Variants in SLC24A2 observed in about 807,000 individuals in gnomAD.
The protein encoded by SLC24A2 is solute carrier family 24 member 2.
A neutral mutation model predicts 62.0 loss-of-function variants in SLC24A2; 36 were observed. That is an observed-to-expected ratio of 0.58 (90% CI 0.44 to 0.77). SLC24A2 has a LOEUF of 0.77. SLC24A2 is among the 30% of genes least tolerant of loss of function. SLC24A2 has a pLI of 0.00. For missense variants in SLC24A2, 846 were observed against 817.9 expected (o/e 1.03, Z -0.42); for synonymous variants, 358 against 294.0 (o/e 1.22, Z -2.23).
At chr9:19,861,472 A>G in the SLC24A2 span, among the ~76,000 whole-genome samples, 4 of 152,176 alleles carry the variant, frequency 2.6e-5, no homozygotes, top group Non-Finnish European at 5.9e-5. Context: ...AAGGATGGGC[A>G]CAAAAAACCT....
intron 2 of SLC24A2, among the ~76,000 whole-genome samples, chr9:19,684,724 T>G (rs1280133375): frequency 6.6e-6 from 1 of 151,992 alleles, no homozygotes; most frequent in South Asian, 2.1e-4. Flanking sequence ...GATGACAAGA[T>G]GGCAGCATTG....
the SLC24A2 span, among the ~76,000 whole-genome samples, chr9:19,903,080 C>T: frequency 4.0e-5 from 6 of 150,740 alleles, no homozygotes; most frequent in Non-Finnish European, 7.4e-5. Flanking sequence ...ATTTCTTTAA[C>T]TCCCATTATC....
At chr9:19,546,059 G>A (rs1194024987) in intron 8 of SLC24A2, among the ~76,000 whole-genome samples, 1 of 152,204 alleles carries the variant, frequency 6.6e-6, no homozygotes, top group Non-Finnish European at 1.5e-5. Flanking sequence ...ACTGCTGCGT[G>A]TTGTTTCCTC....
chr9:19,978,609 G>A, the SLC24A2 span, among the ~76,000 whole-genome samples: 2 of 151,730 alleles, frequency 1.3e-5, no homozygotes, highest in Non-Finnish European at 1.5e-5. Flanking sequence ...TTTCTTCAGA[G>A]TATTTAACAA....
intron 2 of SLC24A2, among the ~76,000 whole-genome samples, chr9:19,733,008 A>G (rs1821384595): frequency 6.6e-6 from 1 of 152,082 alleles, no homozygotes; most frequent in Non-Finnish European, 1.5e-5. Context: ...TTCAGGCCCA[A>G]TTGCTACAGA....
intron 9 of SLC24A2, among the ~76,000 whole-genome samples, chr9:19,527,478 C>T (rs572101860): frequency 2.6e-5 from 4 of 152,164 alleles, no homozygotes; most frequent in African/African-American, 2.4e-5. Context: ...ATAGTTACCA[C>T]TATTATCTTT....
chr9:19,557,647 C>G (rs1835161469), intron 7 of SLC24A2, among the ~76,000 whole-genome samples: 2 of 152,240 alleles, frequency 1.3e-5, no homozygotes, highest in Admixed American at 1.3e-4. Context: ...GCCCAGCCCC[C>G]TAGCTGCTCT....
At chr9:20,281,234 C>A in the SLC24A2 span, among the ~76,000 whole-genome samples, 2 of 152,274 alleles carry the variant, frequency 1.3e-5, no homozygotes, top group East Asian at 1.9e-4. Context: ...CCAGCCCAAG[C>A]ATGAAGTTTT....
rs557128042 is a variant in SLC24A2 at position 19,706,630 on chromosome 9, G to A, written c.930+79307C>T. On this transcript the variant is annotated intron_variant, in intron 2 of 10. Transcript: ENST00000341998. The stretch of plus-strand genomic sequence containing the variant: ...CCTGACCTCGTGATCCGCTCGTCTC[G>A]GCCTCCCAAAGTGCTGGGATTACAG... Among the ~76,000 whole-genome samples, 32 of 152,034 alleles carry A rather than the reference G, an allele frequency of 2.1e-4. No homozygotes were observed. In the East Asian group the frequency reaches 4.5e-3, roughly 21 times the overall value.
At chr9:19,567,296 C>A (rs1210132817) in intron 7 of SLC24A2, among the ~76,000 whole-genome samples, 1 of 151,564 alleles carries the variant, frequency 6.6e-6, no homozygotes, top group Non-Finnish European at 1.5e-5. Context: ...CCTGTAATCC[C>A]AGCACTTTGG....
At chr9:20,249,712 A>AAAAAAAC in the SLC24A2 span, among the ~76,000 whole-genome samples, 1 of 151,598 alleles carries the variant, frequency 6.6e-6, no homozygotes, top group African/African-American at 2.4e-5. Flanking sequence ...CTCAAAAAAA[A>AAAAAAAC]AAAAAAAAAA....
At chr9:20,174,081 C>G in the SLC24A2 span, among the ~76,000 whole-genome samples, 1 of 151,830 alleles carries the variant, frequency 6.6e-6, no homozygotes, top group Admixed American at 6.6e-5. Context: ...ACAAAGCAAC[C>G]AAATACATCA....
chr9:19,788,440 G>A lies in SLC24A2; in HGVS notation c.-154+445C>T, dbSNP rs1208471960. ...GAGCTGCCTCCGTAGGAGAATGTTC[G>A]CCCCCAGCCGCGCCCCAACTTTGCC... On this transcript the variant is annotated intron_variant, in intron 1 of 10. Transcript: ENST00000341998. The A allele has an allele frequency of 7.7e-6, 7 of 905,562 alleles. No homozygotes were observed. The African/African-American group carries it at 1.3e-4, about 16-fold the overall frequency. The allele number at this position is 905,562 out of a possible 1,614,324, so 56.1% of individuals were successfully genotyped here.
the SLC24A2 span, among the ~76,000 whole-genome samples, chr9:20,178,322 G>C: frequency 1.3e-5 from 2 of 152,058 alleles, no homozygotes; most frequent in African/African-American, 2.4e-5. Context: ...CCTGTCCTCG[G>C]GTGCTAGACT....
the SLC24A2 span, among the ~76,000 whole-genome samples, chr9:20,289,976 C>G: frequency 2.6e-5 from 4 of 152,136 alleles, no homozygotes; most frequent in Admixed American, 2.6e-4. Flanking sequence ...ACACAGTGCT[C>G]ATAAATCAGG....
chr9:19,808,395 A>G, the SLC24A2 span, among the ~76,000 whole-genome samples: 1 of 152,234 alleles, frequency 6.6e-6, no homozygotes, highest in African/African-American at 2.4e-5. The surrounding 1 kb of genome is among the most constrained non-coding windows in gnomAD (Gnocchi z 4.1). Flanking sequence ...GTATTTGACT[A>G]TAGAATTCTT....
At chr9:20,010,845 T>G in the SLC24A2 span, among the ~76,000 whole-genome samples, 3 of 147,474 alleles carry the variant, frequency 2.0e-5, no homozygotes, top group African/African-American at 7.5e-5. Flanking sequence ...CACCTATGAG[T>G]GAGAACATGT....
chr9:20,222,219 C>G, the SLC24A2 span, among the ~76,000 whole-genome samples: 1 of 150,928 alleles, frequency 6.6e-6, no homozygotes, highest in Non-Finnish European at 1.5e-5. Flanking sequence ...GCTTATGAAA[C>G]AGGAGGAAGG....
At chr9:20,138,229 T>C in the SLC24A2 span, among the ~76,000 whole-genome samples, 1 of 152,192 alleles carries the variant, frequency 6.6e-6, no homozygotes, top group Non-Finnish European at 1.5e-5. Flanking sequence ...TTCCCAGGTA[T>C]CTAGGGACTA....
Sources: gnomAD v4.1 joint callset for allele counts (sites outside exome capture counted in the v4.1 genomes callset) on GRCh38, gnomAD v4.1.1 for gene constraint, Gnocchi (gnomAD v3.1) non-coding constraint, MANE v1.5 for transcripts, NCBI Gene and HGNC (gene_info 2026-07-23, HGNC 2026-07-21) for gene names.